TBC1D5: variants seen among roughly 807,000 people sequenced by gnomAD.
The protein encoded by TBC1D5 is TBC1 domain family member 5.
In TBC1D5, 75 loss-of-function variants were observed where a neutral mutation model predicts 100.3. The observed-to-expected ratio is 0.75, with a 90% CI of 0.62 to 0.91. The LOEUF (loss-of-function observed/expected upper bound fraction) is 0.91, where lower values mean the gene tolerates loss of function less well. Among genes scored for constraint, TBC1D5 ranks in the 40% least tolerant of loss-of-function variants. The probability of loss-of-function intolerance (pLI) is 0.00; values close to 1 mark genes in which losing one functional copy is unlikely to be tolerated. For synonymous variants in TBC1D5, 323 were observed against 325.6 expected, an observed-to-expected ratio of 0.99 and a Z score of 0.09; for missense variants, 910 against 942.4, an observed-to-expected ratio of 0.97 and a Z score of 0.45.
intron 14 of TBC1D5, among the ~76,000 whole-genome samples, chr3:17,306,958 C>T (rs2150520706): frequency 6.6e-6 from 1 of 152,178 alleles, no homozygotes; most frequent in East Asian, 1.9e-4. Context: ...TTTGAGAAAA[C>T]CTAAACTATT....
At chr3:17,280,838 CCA>C (rs1196989128) in intron 15 of TBC1D5, among the ~76,000 whole-genome samples, 1 of 152,206 alleles carries the variant, frequency 6.6e-6, no homozygotes, top group Non-Finnish European at 1.5e-5. Flanking sequence ...CTTAAGCTGT[CCA>C]CAGTCTGCAA....
At chr3:17,612,282 A>C (rs996040717) in intron 2 of TBC1D5, among the ~76,000 whole-genome samples, 8 of 150,136 alleles carry the variant, frequency 5.3e-5, no homozygotes, top group Non-Finnish European at 1.2e-4. Context: ...CCTGGGTGAC[A>C]GACTAAGACA....
Position 17,435,390 on chromosome 3 carries a change from C to T in TBC1D5, c.98-6871G>A, listed in dbSNP as rs1312511932. ...AATTTATAAAGGAAAGAGGTTTAAT[C>T]AACTCACAGTTTCGCATGGCTGGGG... On this transcript the variant is annotated intron_variant, in intron 3 of 21. Transcript: ENST00000253692. 2.6e-5 allele frequency among the ~76,000 whole-genome samples: 4 copies of T among 152,228 alleles called. No individual in the cohort carries two copies. In the East Asian group the frequency reaches 7.7e-4, roughly 29 times the overall value.
chr3:17,375,868 AG>A (rs2092687406), intron 10 of TBC1D5, among the ~76,000 whole-genome samples: 3 of 152,196 alleles, frequency 2.0e-5, no homozygotes, highest in Admixed American at 1.3e-4. Flanking sequence ...TACTGCATAT[AG>A]ATGCGCTGGC....
At chr3:17,383,967 A>G in exon 9 of TBC1D5, 1 of 1,602,862 alleles carries the variant, frequency 6.2e-7, no homozygotes, top group Non-Finnish European at 8.5e-7. Context: ...GAACATCTGT[A>G]AGAATTTTTC....
chr3:17,380,806 C>A (rs1202425361), intron 9 of TBC1D5, among the ~76,000 whole-genome samples: 1 of 152,040 alleles, frequency 6.6e-6, no homozygotes. Flanking sequence ...TTCATTAATA[C>A]CATTTATATA....
chr3:17,405,843 T>C (rs959297410), intron 5 of TBC1D5, among the ~76,000 whole-genome samples: 4 of 152,070 alleles, frequency 2.6e-5, no homozygotes, highest in Admixed American at 1.3e-4. Flanking sequence ...AATAAATTCA[T>C]GTTTAGAAAA....
At chr3:17,213,453 C>A (rs1345002796) in intron 18 of TBC1D5, among the ~76,000 whole-genome samples, 2 of 152,078 alleles carry the variant, frequency 1.3e-5, no homozygotes, top group African/African-American at 2.4e-5. Context: ...TAGCTATATC[C>A]TTTTGAGAAA....
At chr3:17,407,829 A>G (rs2093813405) in intron 4 of TBC1D5, among the ~76,000 whole-genome samples, 1 of 152,112 alleles carries the variant, frequency 6.6e-6, no homozygotes, top group Middle Eastern at 3.2e-3. Context: ...TGAGACACAC[A>G]TTCCAGCCCA....
At chr3:17,168,570 A>G (rs982595227) in intron 19 of TBC1D5, among the ~76,000 whole-genome samples, 7 of 152,142 alleles carry the variant, frequency 4.6e-5, no homozygotes, top group Admixed American at 2.0e-4. Flanking sequence ...CAGCTCTATC[A>G]GGAACTGTGG....
rs115139691 is a variant in TBC1D5, at chr3:17,161,579, T to C, written c.2095-323A>G. On this transcript the variant is annotated intron_variant, in intron 21 of 21. Transcript: ENST00000253692. ...GAGCCCAGGCTCAGGAGATGGCCAA[T>C]AGGTTGCAGGCAGAATCCCTACCAG... 8.8e-3 allele frequency among the ~76,000 whole-genome samples: 1,334 copies of C among 152,328 alleles called. 23 individuals carry two copies. The highest frequency in any genetic ancestry group is 0.03 in the African/African-American group (1,262 of 41,578).
At chr3:17,533,181 A>G (rs1424063974) in intron 2 of TBC1D5, among the ~76,000 whole-genome samples, 4 of 152,054 alleles carry the variant, frequency 2.6e-5, no homozygotes, top group African/African-American at 9.7e-5. Flanking sequence ...CCTTTTCTAC[A>G]ATCCAATAAT....
chr3:17,202,655 A>G (rs2071610244), intron 18 of TBC1D5, among the ~76,000 whole-genome samples: 2 of 152,304 alleles, frequency 1.3e-5, no homozygotes, highest in East Asian at 1.9e-4. Context: ...CAAACCTGGG[A>G]CACTGCTCCT....
At chr3:17,682,609 G>A (rs1577440673) in intron 1 of TBC1D5, among the ~76,000 whole-genome samples, 1 of 150,602 alleles carries the variant, frequency 6.6e-6, no homozygotes, top group African/African-American at 2.5e-5. Context: ...CTCAATGGAA[G>A]TTCAGGTACC....
chr3:17,584,069 C>T (rs962951142), intron 2 of TBC1D5, among the ~76,000 whole-genome samples: 1 of 152,098 alleles, frequency 6.6e-6, no homozygotes, highest in African/African-American at 2.4e-5. Flanking sequence ...TTATGTTAAA[C>T]GAAAGAAGCC....
At chr3:17,521,472 T>C (rs1173662706) in intron 2 of TBC1D5, among the ~76,000 whole-genome samples, 4 of 152,250 alleles carry the variant, frequency 2.6e-5, no homozygotes, top group Admixed American at 6.5e-5. Flanking sequence ...AAATATGTGT[T>C]AATCAACTGT....
Position 17,540,546 on chromosome 3 carries a change from G to A in TBC1D5, c.-35-31941C>T, listed in dbSNP as rs375945512. 1.5e-4 allele frequency among the ~76,000 whole-genome samples: 23 copies of A among 152,114 alleles called. No individual in the cohort carries two copies. In the East Asian group the frequency reaches 2.3e-3, roughly 15 times the overall value. ...TTCATTTTTTACATGTGGCTATCCC[G>A]TTTTCCCAGCAGCATTTGTTGAAAA... On this transcript the variant is annotated intron_variant, in intron 2 of 21. Transcript: ENST00000253692.
intron 18 of TBC1D5, among the ~76,000 whole-genome samples, chr3:17,188,429 C>G (rs1325460323): frequency 6.6e-6 from 1 of 152,102 alleles, no homozygotes; most frequent in South Asian, 2.1e-4. Flanking sequence ...ATCAGATAAA[C>G]CTTCTTTTTC....
intron 2 of TBC1D5, among the ~76,000 whole-genome samples, chr3:17,582,664 T>C (rs2096706436): frequency 7.0e-6 from 1 of 142,196 alleles, no homozygotes; most frequent in Admixed American, 7.1e-5. Context: ...AGCCCAAAAG[T>C]ACAACTGTAG....
Sources: gnomAD v4.1 joint callset for allele counts (sites outside exome capture counted in the v4.1 genomes callset) on GRCh38, gnomAD v4.1.1 for gene constraint, MANE v1.5 for transcripts, NCBI Gene and HGNC (gene_info 2026-07-23, HGNC 2026-07-21) for gene names.